Variants in SEC24A observed in about 807,000 individuals in gnomAD.
The protein encoded by SEC24A is protein transport protein Sec24A.
Under a neutral mutation model 129.4 loss-of-function variants are expected in SEC24A, and 93 were observed. That is an observed-to-expected ratio of 0.72 (90% CI 0.61 to 0.85). The LOEUF is 0.85. Among genes scored for constraint, SEC24A ranks in the 40% least tolerant of loss-of-function variants. SEC24A has a pLI of 0.00. For missense variants in SEC24A, 1,264 were observed against 1,307.4 expected, an observed-to-expected ratio of 0.97 and a Z score of 0.51; for synonymous variants, 460 against 467.3, an observed-to-expected ratio of 0.98 and a Z score of 0.20.
chr5:134,707,478 C>T (rs1311736013), intron 17 of SEC24A, among the ~76,000 whole-genome samples: 6 of 151,790 alleles, frequency 4.0e-5, no homozygotes, highest in African/African-American at 1.5e-4. Flanking sequence ...TACAGGCGCC[C>T]GCCATCACAC....
chr5:134,663,296 A>T (rs918426522), intron 2 of SEC24A, among the ~76,000 whole-genome samples: 1 of 152,050 alleles, frequency 6.6e-6, no homozygotes, highest in African/African-American at 2.4e-5. Context: ...GAGTAGGGTA[A>T]CACGATCATA....
In SEC24A at chr5:134,674,628, TACTA is replaced by T; in HGVS notation, c.834_837del (p.Asn279ArgfsTer5). On this transcript the variant is annotated frameshift_variant, in exon 5 of 23. Transcript: ENST00000398844. LOFTEE classifies it high-confidence loss of function. ...CCTTGTTTCTAGCAACACCACAGCTTACTAACAAGAATCCCAAAATGAGCCGAAG... is the reference window on the plus strand; with the variant it reads ...CCTTGTTTCTAGCAACACCACAGCTTACAAGAATCCCAAAATGAGCCGAAG... 6.2e-7 allele frequency: 1 copy of T among 1,613,592 alleles called. No homozygotes were observed. Among genetic ancestry groups the T allele is most frequent in the Non-Finnish European group, 8.5e-7 (1 of 1,179,708 alleles).
intron 4 of SEC24A, among the ~76,000 whole-genome samples, chr5:134,673,551 G>A (rs897630248): frequency 6.6e-6 from 1 of 151,676 alleles, no homozygotes; most frequent in African/African-American, 2.4e-5. Context: ...TCCACCTCCT[G>A]GATTCAAGCA....
At chr5:134,720,765 T>G (rs1356557124) in intron 20 of SEC24A, among the ~76,000 whole-genome samples, 1 of 152,056 alleles carries the variant, frequency 6.6e-6, no homozygotes, top group Non-Finnish European at 1.5e-5. Flanking sequence ...TAGCTGGGCA[T>G]GGTGGCACAC....
intron 18 of SEC24A, among the ~76,000 whole-genome samples, chr5:134,711,402 G>C (rs1752320389): frequency 6.6e-6 from 1 of 151,656 alleles, no homozygotes; most frequent in African/African-American, 2.4e-5. Flanking sequence ...TGCTGGCTGG[G>C]CACAGTGGCT....
chr5:134,696,053 CTT>C (rs1199905773), intron 13 of SEC24A, among the ~76,000 whole-genome samples: 1 of 151,556 alleles, frequency 6.6e-6, no homozygotes, highest in East Asian at 1.9e-4. Flanking sequence ...GATCATCTAA[CTT>C]TGGGAATTCG....
rs1234145784 is a variant in SEC24A, at chr5:134,691,500, T to G, written c.1724-1102T>G. Among the ~76,000 whole-genome samples the G allele has an allele frequency of 6.9e-5, 10 of 145,574 alleles. No individual in the cohort carries two copies. The South Asian group carries it at 2.2e-3, about 32-fold the overall frequency. ...CTTTTTAAAGGCACTGGTGTGGGCCTTCTTTTTTTTTTTTTTTGAGACGAG... is the reference window on the plus strand; with the variant it reads ...CTTTTTAAAGGCACTGGTGTGGGCCGTCTTTTTTTTTTTTTTTGAGACGAG... On this transcript the variant is annotated intron_variant, in intron 11 of 22. Coordinates refer to ENST00000398844, the MANE Select transcript of SEC24A (RefSeq NM_021982.3).
chr5:134,697,726 C>G (rs1307369338), intron 14 of SEC24A, among the ~76,000 whole-genome samples, 173 bp from the exon 15 acceptor site: 1 of 152,004 alleles, frequency 6.6e-6, no homozygotes. Context: ...CTACTGCACT[C>G]CAGCCTGGGT....
chr5:134,673,525 A>G (rs1258234637), intron 4 of SEC24A, among the ~76,000 whole-genome samples: 1 of 151,940 alleles, frequency 6.6e-6, no homozygotes, highest in Non-Finnish European at 1.5e-5. Flanking sequence ...TGCAGTGGGC[A>G]CAATCTCGGC....
At chr5:134,676,746 AG>A (rs1317375109) in intron 7 of SEC24A, among the ~76,000 whole-genome samples, 1 of 152,108 alleles carries the variant, frequency 6.6e-6, no homozygotes, top group East Asian at 1.9e-4. Context: ...TCTTTAGTGA[AG>A]GTAAATGTCT....
rs140636147 is a variant in SEC24A at position 134,724,311 on chromosome 5, G to C, written c.3167+641G>C. On this transcript the variant is annotated intron_variant, in intron 22 of 22. Transcript: ENST00000398844. Reference sequence around the variant, plus strand: ...CTGTTTTTTAAAGGCTGAAGTCGCCGGGCGCGGTGGCTCATGCCTGTAATC... The same window carrying C: ...CTGTTTTTTAAAGGCTGAAGTCGCCCGGCGCGGTGGCTCATGCCTGTAATC... Among the ~76,000 whole-genome samples, 4 of 152,240 alleles carry C rather than the reference G, an allele frequency of 2.6e-5. No individual in the cohort carries two copies. In the East Asian group the frequency reaches 5.8e-4, roughly 22 times the overall value.
intron 18 of SEC24A, among the ~76,000 whole-genome samples, 181 bp downstream of exon 18, chr5:134,709,069 G>A (rs904420244): frequency 2.0e-5 from 3 of 152,094 alleles, no homozygotes; most frequent in African/African-American, 7.2e-5. Context: ...CTAGCCAGGT[G>A]TGGTGGTGCA....
intron 9 of SEC24A, 52 bp from the exon 10 acceptor site, chr5:134,686,738 A>C (rs1751465289): frequency 1.9e-6 from 2 of 1,057,918 alleles, no homozygotes; most frequent in Non-Finnish European, 2.8e-6. Context: ...CCAGCAAATA[A>C]GTTTAAACTT....
intron 3 of SEC24A, among the ~76,000 whole-genome samples, chr5:134,669,780 G>C (rs1050790026): frequency 4.6e-4 from 68 of 148,388 alleles, no homozygotes; most frequent in African/African-American, 1.6e-3. Flanking sequence ...CCCGGCCCCA[G>C]AAAAAAAAAA....
upstream of SEC24A, chr5:134,648,591 G>A (rs144655230): frequency 2.4e-3 from 364 of 152,772 alleles, 1 homozygote; most frequent in Middle Eastern, 6.8e-3. Flanking sequence ...ACTTCCGGCC[G>A]GCCGTGAGAG....
intron 15 of SEC24A, among the ~76,000 whole-genome samples, chr5:134,700,322 C>G (rs941942364): frequency 1.3e-5 from 2 of 151,726 alleles, no homozygotes; most frequent in African/African-American, 4.8e-5. Context: ...TGGGCTCAAG[C>G]AATCCTCTTA....
intron 8 of SEC24A, among the ~76,000 whole-genome samples, chr5:134,680,988 A>G (rs1053943529): frequency 6.6e-6 from 1 of 151,056 alleles, no homozygotes; most frequent in African/African-American, 2.4e-5. Context: ...AATCCCAGCT[A>G]CTCGGGAGGC....
intron 4 of SEC24A, among the ~76,000 whole-genome samples, chr5:134,673,731 A>G (rs1254761819): frequency 6.6e-6 from 1 of 152,148 alleles, no homozygotes; most frequent in African/African-American, 2.4e-5. Flanking sequence ...AAGTGCTGGG[A>G]TTACAGGCAT....
rs533244237 is a variant in SEC24A at position 134,689,800 on chromosome 5, T to C, written c.1723+1501T>C. ...AAAAAACGTATAATGGAATATTTAT[T>C]ATTCAGCCTTAAAAAAACAATGAAA... is the stretch of plus-strand genomic sequence containing the variant. On this transcript the variant is annotated intron_variant, in intron 11 of 22. Coordinates refer to ENST00000398844, the MANE Select transcript of SEC24A (RefSeq NM_021982.3). 3.9e-5 allele frequency among the ~76,000 whole-genome samples: 6 copies of C among 152,048 alleles called. No homozygotes were observed. In the South Asian group the frequency reaches 1.2e-3, roughly 32 times the overall value.
Sources: allele counts gnomAD v4.1 joint callset (sites outside exome capture counted in the v4.1 genomes callset), GRCh38; gene constraint gnomAD v4.1.1; transcripts MANE v1.5; gene names NCBI Gene and HGNC (gene_info 2026-07-23, HGNC 2026-07-21).